TRIM71: variants seen among roughly 807,000 people sequenced by gnomAD.
TRIM71 encodes the protein E3 ubiquitin-protein ligase TRIM71.
A neutral mutation model predicts 61.2 loss-of-function variants in TRIM71; 9 were observed. That is an observed-to-expected ratio of 0.15 (90% CI 0.09 to 0.26). The LOEUF (loss-of-function observed/expected upper bound fraction) is 0.26, where lower values mean the gene tolerates loss of function less well. TRIM71 is among the 10% of genes least tolerant of loss of function. TRIM71 has a pLI of 1.00. For synonymous variants in TRIM71, 645 were observed against 553.2 expected, an observed-to-expected ratio of 1.17 and a Z score of -2.33; for missense variants, 998 against 1,238.7, an observed-to-expected ratio of 0.81 and a Z score of 2.92.
At chr3:32,834,671 G>C (rs1407277655) in intron 1 of TRIM71, among the ~76,000 whole-genome samples, 1 of 152,088 alleles carries the variant, frequency 6.6e-6, no homozygotes, top group Non-Finnish European at 1.5e-5. Flanking sequence ...GTGAAACCCC[G>C]TCTCTACTAA....
At chr3:32,861,379 A>G (rs1201907682) in intron 1 of TRIM71, among the ~76,000 whole-genome samples, 1 of 149,472 alleles carries the variant, frequency 6.7e-6, no homozygotes, top group African/African-American at 2.4e-5. Context: ...TGATCCACCT[A>G]CCTTGGCCTC....
intron 1 of TRIM71, among the ~76,000 whole-genome samples, chr3:32,841,231 C>G (rs1021633335): frequency 4.0e-5 from 6 of 151,806 alleles, no homozygotes; most frequent in Non-Finnish European, 7.4e-5. Context: ...GGCGACAGAG[C>G]GAGACTCTGT....
At chr3:32,889,094 G>A (rs768877846) in intron 3 of TRIM71, among the ~76,000 whole-genome samples, 1 of 152,140 alleles carries the variant, frequency 6.6e-6, no homozygotes, top group Non-Finnish European at 1.5e-5. Context: ...TATCTGACAT[G>A]ATCCTTATTT....
At chr3:32,832,440 C>T (rs1464867469) in intron 1 of TRIM71, among the ~76,000 whole-genome samples, 9 of 152,182 alleles carry the variant, frequency 5.9e-5, no homozygotes, top group Non-Finnish European at 2.9e-5. Context: ...TGCACTTCAG[C>T]CTGGGCAACA....
intron 2 of TRIM71, among the ~76,000 whole-genome samples, chr3:32,878,097 A>G (rs1435824994): frequency 6.6e-6 from 1 of 152,226 alleles, no homozygotes; most frequent in East Asian, 1.9e-4. Context: ...TCGCCTTACG[A>G]AGTTTATTTG....
chr3:32,860,955 G>A (rs530135542), intron 1 of TRIM71, among the ~76,000 whole-genome samples: 9 of 151,744 alleles, frequency 5.9e-5, no homozygotes, highest in African/African-American at 1.9e-4. Flanking sequence ...CAGGCAGATC[G>A]CTTGAGTGCA....
At chr3:32,877,607 C>T (rs777250544) in intron 2 of TRIM71, among the ~76,000 whole-genome samples, 1 of 152,084 alleles carries the variant, frequency 6.6e-6, no homozygotes, top group African/African-American at 2.4e-5. Context: ...GATCTTTCAC[C>T]TTGGCCTCCC....
chr3:32,890,576 C>T lies in TRIM71; in HGVS notation c.1372C>T (p.Arg458Ter). 6.2e-7 allele frequency: 1 copy of T among 1,613,982 alleles called. No individual in the cohort carries two copies. Among genetic ancestry groups the T allele is most frequent in the Non-Finnish European group, 8.5e-7 (1 of 1,180,030 alleles). ...CCTCCTGCAGCCCCAGGAAGACGAC[C>T]GAGTCATGTTCACACCCCCCGATCA... ...RSLLQPQEDD[R>*]VMFTPPDQAL... Residue 458 changes from arginine (R) to a stop codon, truncating the protein, a stop_gained, in exon 4 of 4, where the codon CGA becomes TGA. Transcript: ENST00000383763. LOFTEE classifies it high-confidence loss of function. The surrounding 1 kb of genome is among the most constrained non-coding windows in gnomAD (Gnocchi z 6.2).
At chr3:32,859,349 T>C (rs1696640291) in intron 1 of TRIM71, among the ~76,000 whole-genome samples, 2 of 152,176 alleles carry the variant, frequency 1.3e-5, no homozygotes, top group Non-Finnish European at 2.9e-5. Context: ...AACCTTTGTC[T>C]CCTGGGTTCA....
chr3:32,840,777 A>G (rs953394306), intron 1 of TRIM71, among the ~76,000 whole-genome samples: 3 of 129,990 alleles, frequency 2.3e-5, no homozygotes, highest in Admixed American at 7.7e-5. Context: ...CCAAGTGGCT[A>G]ACACTGGTGA....
At chr3:32,852,720 A>G (rs1696551441) in intron 1 of TRIM71, among the ~76,000 whole-genome samples, 1 of 151,948 alleles carries the variant, frequency 6.6e-6, no homozygotes, top group African/African-American at 2.4e-5. Context: ...ACAGAACTCT[A>G]ACTGGGTAGA....
rs142710985 is a variant in TRIM71 at position 32,874,667 on chromosome 3, C to A, written c.1020+682C>A. Reference sequence around the variant, plus strand: ...CCTCCCGAGTAGCTGGGACTACAGGCGCCCACCACCACGCCCGGCTAATTT... The same window carrying A: ...CCTCCCGAGTAGCTGGGACTACAGGAGCCCACCACCACGCCCGGCTAATTT... On this transcript the variant is annotated intron_variant, in intron 2 of 3. Coordinates refer to ENST00000383763, the MANE Select transcript of TRIM71 (RefSeq NM_001039111.3). Among the ~76,000 whole-genome samples, 2,491 of 151,938 alleles carry A rather than the reference C, an allele frequency of 0.016. 160 individuals are homozygous for A. The East Asian group carries it at 0.23, about 14-fold the overall frequency.
chr3:32,875,663 A>T (rs1696845902), intron 2 of TRIM71, among the ~76,000 whole-genome samples: 3 of 152,128 alleles, frequency 2.0e-5, no homozygotes, highest in African/African-American at 7.2e-5. Flanking sequence ...AACATGGGGA[A>T]ACCCTACAAA....
chr3:32,864,235 C>G (rs1696705088), intron 1 of TRIM71, among the ~76,000 whole-genome samples: 1 of 152,170 alleles, frequency 6.6e-6, no homozygotes, highest in South Asian at 2.1e-4. Flanking sequence ...TTGTTCAAAA[C>G]TATATTTGGG....
At chr3:32,834,714 C>T (rs534457343) in intron 1 of TRIM71, among the ~76,000 whole-genome samples, 43 of 152,180 alleles carry the variant, frequency 2.8e-4, no homozygotes, top group South Asian at 2.1e-4. Context: ...CGGTGGCGGG[C>T]GCCTGTAGTC....
chr3:32,859,130 C>T (rs2125684405), intron 1 of TRIM71, among the ~76,000 whole-genome samples: 1 of 152,218 alleles, frequency 6.6e-6, no homozygotes, highest in Middle Eastern at 3.4e-3. Context: ...GCTTGAGCAT[C>T]CAACAAGCTT....
At chr3:32,862,527 T>A (rs548214451) in intron 1 of TRIM71, among the ~76,000 whole-genome samples, 2 of 152,338 alleles carry the variant, frequency 1.3e-5, no homozygotes, top group African/African-American at 4.8e-5. Context: ...CATGGCCACC[T>A]ACAGAGTCTG....
intron 2 of TRIM71, among the ~76,000 whole-genome samples, chr3:32,884,155 T>C (rs376600855): frequency 2.6e-5 from 4 of 152,264 alleles, no homozygotes; most frequent in African/African-American, 9.6e-5. Context: ...TTCACCATGT[T>C]GGCCAGGCTG....
chr3:32,890,681 G>T lies in TRIM71; in HGVS notation c.1477G>T (p.Gly493Cys). Residue 493 changes from glycine (G) to cysteine (C), a missense_variant, in exon 4 of 4, where the codon GGC becomes TGC. By Grantham distance (159) the Gly-to-Cys change is radical. This residue lies in a region of TRIM71 where 291 missense variants were observed against 431.2 expected (regional missense o/e 0.67). Coordinates refer to ENST00000383763, the MANE Select transcript of TRIM71 (RefSeq NM_001039111.3). This position sits in a 1 kb window ranked among gnomAD's most constrained non-coding sequence, Gnocchi z 6.2. Reference sequence around the variant, plus strand: ...CCCACTCACCAAGGCCACAGGCGATGGCCTCAAGCGTGCCCTCCAGGGTAA... The same window carrying T: ...CCCACTCACCAAGGCCACAGGCGATTGCCTCAAGCGTGCCCTCCAGGGTAA... Reference protein sequence around the residue: ...FAPLTKATGDGLKRALQGKVA... With the variant: ...FAPLTKATGDCLKRALQGKVA... 6.2e-7 allele frequency: 1 copy of T among 1,614,038 alleles called. No homozygotes were observed. Among genetic ancestry groups the T allele is most frequent in the Non-Finnish European group, 8.5e-7 (1 of 1,180,044 alleles).
Sources: gnomAD v4.1 joint callset for allele counts (sites outside exome capture counted in the v4.1 genomes callset) on GRCh38, gnomAD v4.1.1 for gene constraint, gnomAD v4.1.1 regional missense constraint, Gnocchi (gnomAD v3.1) non-coding constraint, MANE v1.5 for transcripts, NCBI Gene and HGNC (gene_info 2026-07-23, HGNC 2026-07-21) for gene names.